CARMIL1: variants seen among roughly 807,000 people sequenced by gnomAD.
The protein encoded by CARMIL1 is F-actin-uncapping protein LRRC16A.
A neutral mutation model predicts 177.1 loss-of-function variants in CARMIL1; 90 were observed. The ratio of observed to expected loss-of-function variants is 0.51; its 90% CI spans 0.43 to 0.61. The LOEUF (loss-of-function observed/expected upper bound fraction) is 0.61. CARMIL1 is among the 20% of genes least tolerant of loss of function. CARMIL1 has a pLI of 0.00. For missense variants in CARMIL1, 1,380 were observed against 1,667.0 expected, an observed-to-expected ratio of 0.83 and a Z score of 3.00; for synonymous variants, 577 against 606.2, an observed-to-expected ratio of 0.95 and a Z score of 0.71.
chr6:25,469,410 G>A (rs903478351), intron 9 of CARMIL1, among the ~76,000 whole-genome samples: 10 of 152,192 alleles, frequency 6.6e-5, no homozygotes, highest in Middle Eastern at 3.2e-3. Flanking sequence ...TTTAAGAAAA[G>A]AAAGTGCTTT....
rs2744302 is a variant in CARMIL1 at position 25,326,058 on chromosome 6, C to T, written c.138+41149C>T. ...CTAATTTTTTGTATTTTAGTAGAGA[C>T]GGAGTTTCACCGTGTTGGCCAGGAT... On this transcript the variant is annotated intron_variant, in intron 2 of 36. Coordinates refer to ENST00000329474, the MANE Select transcript of CARMIL1 (RefSeq NM_017640.6). This position sits in a 1 kb window ranked among gnomAD's most constrained non-coding sequence, Gnocchi z 4.2. Among the ~76,000 whole-genome samples, 66,233 of 151,872 alleles carry T rather than the reference C, an allele frequency of 0.44. 14,470 individuals are homozygous for T. Among genetic ancestry groups the T allele is most frequent in the African/African-American group, 0.47 (19,497 of 41,382 alleles).
intron 29 of CARMIL1, among the ~76,000 whole-genome samples, chr6:25,565,070 GAGTA>G (rs1254866881): frequency 6.6e-6 from 1 of 152,170 alleles, no homozygotes; most frequent in Non-Finnish European, 1.5e-5. Context: ...GAAGGAAAAT[GAGTA>G]AGTAAATTTA....
intron 2 of CARMIL1, among the ~76,000 whole-genome samples, chr6:25,339,624 C>A (rs1178466435): frequency 3.3e-5 from 5 of 152,160 alleles, no homozygotes; most frequent in Non-Finnish European, 7.3e-5. Flanking sequence ...TTTGGCTGTG[C>A]TGTCCAGTAC....
intron 26 of CARMIL1, among the ~76,000 whole-genome samples, chr6:25,549,203 A>C (rs1478326511): frequency 6.6e-6 from 1 of 152,208 alleles, no homozygotes; most frequent in Admixed American, 6.5e-5. Flanking sequence ...TTCATGTCAG[A>C]GTTTACATTG....
chr6:25,456,391 A>T (rs1799535252), intron 8 of CARMIL1, among the ~76,000 whole-genome samples: 2 of 152,206 alleles, frequency 1.3e-5, no homozygotes. Flanking sequence ...GATGACAGTG[A>T]TCATGCTAGA....
At chr6:25,596,235 C>G (rs1303447568) in intron 32 of CARMIL1, among the ~76,000 whole-genome samples, 1 of 151,850 alleles carries the variant, frequency 6.6e-6, no homozygotes, top group African/African-American at 2.4e-5. Context: ...TTTCAGTGCA[C>G]AAATAGAAAT....
At position 25,619,512 on chromosome 6, in the gene CARMIL1, A is replaced by G. The variant is rs749580090; in HGVS notation, c.4045A>G (p.Lys1349Glu). Residue 1349 changes from lysine (K) to glutamate (E), a missense_variant, in exon 37 of 37, where the codon AAA becomes GAA. Coordinates refer to ENST00000329474, the MANE Select transcript of CARMIL1 (RefSeq NM_017640.6). ...AGAACAAAAGCAACGGTCCTCCAGT[A>G]AAGATGGCCATCAAGGCAGCAAATC... ...YQEQKQRSSS[K>E]DGHQGSKSND... is the part of the protein sequence containing the mutation. 1.9e-6 allele frequency: 3 copies of G among 1,613,900 alleles called. No individual in the cohort carries two copies. Among genetic ancestry groups the G allele is most frequent in the Admixed American group, 1.7e-5 (1 of 60,022 alleles).
At chr6:25,295,413 C>T (rs1782305095) in intron 2 of CARMIL1, among the ~76,000 whole-genome samples, 1 of 152,096 alleles carries the variant, frequency 6.6e-6, no homozygotes, top group Non-Finnish European at 1.5e-5. Context: ...CAATATTTTG[C>T]CTTATAACTG....
intron 12 of CARMIL1, 110 bp downstream of exon 12, chr6:25,482,453 TA>T (rs1802211148): frequency 1.8e-6 from 1 of 551,618 alleles, no homozygotes; most frequent in East Asian, 3.2e-5. Flanking sequence ...AAAATACATT[TA>T]AAATATATGT....
chr6:25,355,986 A>T (rs914931610), intron 2 of CARMIL1, among the ~76,000 whole-genome samples: 8 of 151,444 alleles, frequency 5.3e-5, no homozygotes, highest in Non-Finnish European at 1.2e-4. Context: ...CTCCTGCAAA[A>T]TGCCCCTAGC....
At chr6:25,371,003 G>A (rs1322767466) in intron 2 of CARMIL1, among the ~76,000 whole-genome samples, 2 of 152,068 alleles carry the variant, frequency 1.3e-5, no homozygotes, top group African/African-American at 4.8e-5. Context: ...ACTTATAAGT[G>A]AGAACATACG....
chr6:25,448,069 A>G (rs1222322995), intron 5 of CARMIL1, among the ~76,000 whole-genome samples: 1 of 152,068 alleles, frequency 6.6e-6, no homozygotes, highest in Non-Finnish European at 1.5e-5. Flanking sequence ...AGAATCCATG[A>G]TCTTCACTCT....
At chr6:25,436,679 C>T (rs1381454756) in intron 5 of CARMIL1, among the ~76,000 whole-genome samples, 1 of 152,252 alleles carries the variant, frequency 6.6e-6, no homozygotes, top group African/African-American at 2.4e-5. Context: ...TCTCCCTTCC[C>T]CCCATGGTGG....
At chr6:25,389,988 TA>T (rs1792587570) in intron 2 of CARMIL1, among the ~76,000 whole-genome samples, 1 of 151,894 alleles carries the variant, frequency 6.6e-6, no homozygotes, top group Non-Finnish European at 1.5e-5. Flanking sequence ...TTGCCTAGTT[TA>T]AAAAAACAAA....
intron 26 of CARMIL1, among the ~76,000 whole-genome samples, chr6:25,543,140 C>G (rs1313838840): frequency 6.6e-6 from 1 of 152,110 alleles, no homozygotes; most frequent in Non-Finnish European, 1.5e-5. Context: ...AAGCAAGTTG[C>G]TTAACTTTTT....
chr6:25,460,024 G>T (rs1799995348), intron 8 of CARMIL1, among the ~76,000 whole-genome samples: 2 of 152,198 alleles, frequency 1.3e-5, no homozygotes, highest in Non-Finnish European at 2.9e-5. Flanking sequence ...TTCCAACTAA[G>T]AGAAATCAGT....
intron 31 of CARMIL1, among the ~76,000 whole-genome samples, chr6:25,585,132 T>C (rs1212422968): frequency 6.6e-6 from 1 of 152,256 alleles, no homozygotes. Flanking sequence ...TATTACCTTA[T>C]GATATCACGC....
intron 2 of CARMIL1, among the ~76,000 whole-genome samples, chr6:25,348,510 G>A (rs188047516): frequency 1.1e-4 from 16 of 152,046 alleles, no homozygotes; most frequent in African/African-American, 3.4e-4. Context: ...TAGGCTGGGC[G>A]TGATGGCTCA....
intron 29 of CARMIL1, 108 bp downstream of exon 29, chr6:25,556,958 T>C (rs1810680594): frequency 9.0e-7 from 1 of 1,107,984 alleles, no homozygotes; most frequent in Non-Finnish European, 1.3e-6. Flanking sequence ...AACAAAACAC[T>C]GTCCCCACCC....
Sources: gnomAD v4.1 joint callset for allele counts (sites outside exome capture counted in the v4.1 genomes callset) on GRCh38, gnomAD v4.1.1 for gene constraint, Gnocchi (gnomAD v3.1) non-coding constraint, MANE v1.5 for transcripts, NCBI Gene and HGNC (gene_info 2026-07-23, HGNC 2026-07-21) for gene names.